The following SPOP variants were observed in gnomAD, a reference collection of about 807,000 sequenced individuals.
SPOP encodes speckle type BTB/POZ protein.
SPOP carries 11 observed loss-of-function variants against 45.6 expected under a neutral mutation model. The observed-to-expected ratio is 0.24, with a 90% CI of 0.15 to 0.40. The LOEUF (loss-of-function observed/expected upper bound fraction) is 0.40. Ranked by LOEUF, SPOP falls within the 10% of genes least tolerant of loss-of-function variation. SPOP has a pLI of 1.00. For synonymous variants in SPOP, 166 were observed against 166.3 expected (o/e 1.00, Z 0.01); for missense variants, 152 against 465.6 (o/e 0.33, Z 6.20).
rs1156781114 is a variant in SPOP, at chr17:49,647,313, TAAAAAAAAAAAAAAA to T, written c.-66-24452_-66-24438del. 3.2e-4 allele frequency among the ~76,000 whole-genome samples: 14 copies of T among 43,158 alleles called. No individual in the cohort carries two copies. The South Asian group carries it at 8.3e-3, about 25-fold the overall frequency. The allele number at this position is 43,158 out of a possible 152,430, so 28.3% of individuals were successfully genotyped here. On this transcript the variant is annotated intron_variant, in intron 1 of 9. Coordinates refer to ENST00000504102, the MANE Select transcript of SPOP (RefSeq NM_001007228.2). ...CTACAGAGTGAGTGAGATGCCGTCT[TAAAAAAAAAAAAAAA>T]AAAAAAAAAAAAAAAGTTCTTTTGT...
intron 6 of SPOP, among the ~76,000 whole-genome samples, chr17:49,610,127 T>C (rs1434597783): frequency 6.6e-6 from 1 of 151,996 alleles, no homozygotes; most frequent in African/African-American, 2.4e-5. Flanking sequence ...AGAAAGGGAG[T>C]TGCCTAAACA....
At chr17:49,661,315 A>G (rs1180215091) in intron 1 of SPOP, among the ~76,000 whole-genome samples, 1 of 152,074 alleles carries the variant, frequency 6.6e-6, no homozygotes, top group Non-Finnish European at 1.5e-5. Flanking sequence ...CTTATCATCC[A>G]TTATCCCATC....
At chr17:49,611,602 G>A in intron 5 of SPOP, 145 bp from the exon 6 acceptor site, 3 of 728,052 alleles carry the variant, frequency 4.1e-6, no homozygotes. Flanking sequence ...ACAAATCAAG[G>A]CTTTAGCCCC....
chr17:49,640,777 C>T (rs2072632245), intron 1 of SPOP, among the ~76,000 whole-genome samples: 1 of 152,178 alleles, frequency 6.6e-6, no homozygotes, highest in South Asian at 2.1e-4. Context: ...TTCCTGATCT[C>T]ACTATGTACC....
chr17:49,635,380 G>A (rs1321944916), intron 1 of SPOP, among the ~76,000 whole-genome samples: 1 of 152,104 alleles, frequency 6.6e-6, no homozygotes, highest in Non-Finnish European at 1.5e-5. Context: ...GAATTTAAAA[G>A]ATTAAAATGC....
intron 1 of SPOP, among the ~76,000 whole-genome samples, chr17:49,668,302 G>A (rs2073089730): frequency 6.6e-6 from 1 of 152,144 alleles, no homozygotes; most frequent in Admixed American, 6.5e-5. Context: ...TACCTTATGT[G>A]TATTAAACAG....
At chr17:49,663,363 T>C (rs1028443341) in intron 1 of SPOP, among the ~76,000 whole-genome samples, 6 of 152,260 alleles carry the variant, frequency 3.9e-5, no homozygotes, top group African/African-American at 1.4e-4. Flanking sequence ...GGAAAAACTG[T>C]CCTCCACAAA....
chr17:49,620,213 C>T lies in SPOP; in HGVS notation c.201-828G>A, dbSNP rs993165001. On this transcript the variant is annotated intron_variant, in intron 3 of 9. Transcript: ENST00000504102. Reference sequence around the variant, plus strand: ...AAAAAAGAAATGTGTGGACCAGGCACGGTGGCTTATGCCTGTAATCCCAGC... The same window carrying T: ...AAAAAAGAAATGTGTGGACCAGGCATGGTGGCTTATGCCTGTAATCCCAGC... Among the ~76,000 whole-genome samples the T allele has an allele frequency of 5.3e-5, 8 of 151,594 alleles. No homozygotes were observed. In the South Asian group the frequency reaches 1.3e-3, roughly 24 times the overall value.
In SPOP at chr17:49,624,308, AAC is replaced by A. The variant is rs958798628; in HGVS notation, c.-66-1434_-66-1433del. On this transcript the variant is annotated intron_variant, in intron 1 of 9. Coordinates refer to ENST00000504102, the MANE Select transcript of SPOP (RefSeq NM_001007228.2). ...TAGGTGCTTTTACCACCTACGCGGG[AAC>A]ACACACACACGCGCGCGCGCGCACA... Among the ~76,000 whole-genome samples the A allele has an allele frequency of 2.2e-4, 30 of 136,434 alleles. No homozygotes were observed. The South Asian group carries it at 3.1e-3, about 14-fold the overall frequency. The allele number at this position is 136,434 out of a possible 152,430, so 89.5% of individuals were successfully genotyped here.
At chr17:49,621,026 G>T (rs1272481734) in intron 3 of SPOP, among the ~76,000 whole-genome samples, 1 of 152,154 alleles carries the variant, frequency 6.6e-6, no homozygotes, top group Non-Finnish European at 1.5e-5. Context: ...GTTATCAGAG[G>T]TCAAAACTGG....
intron 8 of SPOP, among the ~76,000 whole-genome samples, chr17:49,604,565 C>T (rs557082655): frequency 1.1e-4 from 16 of 152,334 alleles, no homozygotes; most frequent in African/African-American, 3.6e-4. Context: ...CCACTTTTCC[C>T]TCCAATGGGT....
intron 1 of SPOP, among the ~76,000 whole-genome samples, chr17:49,644,618 A>G (rs773240502): frequency 1.3e-5 from 2 of 152,228 alleles, no homozygotes; most frequent in African/African-American, 4.8e-5. Context: ...TTCATACTGT[A>G]TAATAAAAAC....
At chr17:49,651,633 T>C (rs2072844126) in intron 1 of SPOP, among the ~76,000 whole-genome samples, 1 of 152,230 alleles carries the variant, frequency 6.6e-6, no homozygotes, top group South Asian at 2.1e-4. Flanking sequence ...TTATTTCCTC[T>C]TTCAAAGCAA....
chr17:49,675,597 C>T (rs1212083776), intron 1 of SPOP, among the ~76,000 whole-genome samples: 1 of 152,162 alleles, frequency 6.6e-6, no homozygotes, highest in Non-Finnish European at 1.5e-5. Context: ...CCATTTTAAA[C>T]AATGATTTTT....
chr17:49,623,012 T>A, intron 1 of SPOP, 136 bp from the exon 2 acceptor site: 2 of 430,392 alleles, frequency 4.6e-6, no homozygotes, highest in Admixed American at 4.0e-5. Context: ...GTCCTAAAAT[T>A]TTTTTTTTTT....
chr17:49,624,478 A>AT (rs772458424), intron 1 of SPOP, among the ~76,000 whole-genome samples: 2 of 151,746 alleles, frequency 1.3e-5, no homozygotes, highest in African/African-American at 2.4e-5. Flanking sequence ...AATTTTTACT[A>AT]TTTTTTTTGA....
At chr17:49,644,485 T>G (rs569714214) in intron 1 of SPOP, among the ~76,000 whole-genome samples, 5 of 152,244 alleles carry the variant, frequency 3.3e-5, no homozygotes, top group South Asian at 2.1e-4. Flanking sequence ...ATGATGATGA[T>G]GAGGACAAAG....
chr17:49,630,561 T>C (rs2072431700), intron 1 of SPOP, among the ~76,000 whole-genome samples: 1 of 152,198 alleles, frequency 6.6e-6, no homozygotes, highest in African/African-American at 2.4e-5. Flanking sequence ...ATCGGGTTCA[T>C]GCTTTGTAAA....
At position 49,619,957 on chromosome 17, in the gene SPOP, G is replaced by A. The variant is rs187670307; in HGVS notation, c.201-572C>T. On this transcript the variant is annotated intron_variant, in intron 3 of 9. Coordinates refer to ENST00000504102, the MANE Select transcript of SPOP (RefSeq NM_001007228.2). The surrounding 1 kb of genome is among the most constrained non-coding windows in gnomAD (Gnocchi z 4.9). ...GCGCATCACTTGAGGTCAGGACTTC[G>A]AGGCCAGCCTGGCCAACGTGGTGAA... Among the ~76,000 whole-genome samples, 2,219 of 151,292 alleles carry A rather than the reference G, an allele frequency of 0.015. 31 individuals are homozygous for A. Among genetic ancestry groups the A allele is most frequent in the South Asian group, 0.029 (137 of 4,776 alleles).
Sources: gnomAD v4.1 joint callset for allele counts (sites outside exome capture counted in the v4.1 genomes callset) on GRCh38, gnomAD v4.1.1 for gene constraint, Gnocchi (gnomAD v3.1) non-coding constraint, MANE v1.5 for transcripts, NCBI Gene and HGNC (gene_info 2026-07-23, HGNC 2026-07-21) for gene names.